Variants in NRG3 observed in about 807,000 individuals in gnomAD.
The protein encoded by NRG3 is pro-neuregulin-3, membrane-bound isoform.
NRG3 carries 31 observed loss-of-function variants against 66.9 expected under a neutral mutation model. The ratio of observed to expected loss-of-function variants is 0.46; its 90% CI spans 0.35 to 0.63. NRG3 has a LOEUF of 0.63. NRG3 is among the 20% of genes least tolerant of loss of function. The pLI is 0.00. For synonymous variants in NRG3, 393 were observed against 359.4 expected, an observed-to-expected ratio of 1.09 and a Z score of -1.06; for missense variants, 910 against 878.9, an observed-to-expected ratio of 1.04 and a Z score of -0.45.
At chr10:82,662,862 C>T (rs1430965823) in intron 2 of NRG3, among the ~76,000 whole-genome samples, 1 of 152,150 alleles carries the variant, frequency 6.6e-6, no homozygotes, top group East Asian at 1.9e-4. Context: ...TAACTTTATA[C>T]CTTGTCCTCC....
chr10:82,197,914 G>T (rs2074531224), intron 1 of NRG3, among the ~76,000 whole-genome samples: 1 of 152,054 alleles, frequency 6.6e-6, no homozygotes, highest in Non-Finnish European at 1.5e-5. Context: ...TAATAAAGCT[G>T]CTTTGTTTAA....
intron 1 of NRG3, among the ~76,000 whole-genome samples, chr10:82,242,099 T>C (rs1589440836): frequency 6.6e-6 from 1 of 152,202 alleles, no homozygotes; most frequent in East Asian, 1.9e-4. Flanking sequence ...GTGAATGATA[T>C]TCTTTTAAAA....
At chr10:82,189,755 A>G (rs1288950169) in intron 1 of NRG3, among the ~76,000 whole-genome samples, 1 of 151,938 alleles carries the variant, frequency 6.6e-6, no homozygotes, top group Non-Finnish European at 1.5e-5. Context: ...GCACCACTGC[A>G]CTCCAGCCTG....
chr10:82,762,962 T>C (rs2059386173), intron 3 of NRG3, among the ~76,000 whole-genome samples: 1 of 152,158 alleles, frequency 6.6e-6, no homozygotes, highest in South Asian at 2.1e-4. Context: ...AAATGATGCA[T>C]CCAAAAGTCT....
intron 2 of NRG3, among the ~76,000 whole-genome samples, chr10:82,667,027 T>C (rs1182950992): frequency 6.6e-6 from 1 of 152,176 alleles, no homozygotes; most frequent in Non-Finnish European, 1.5e-5. Context: ...CTGATTTAAG[T>C]TGAAAGAAGC....
At chr10:82,585,030 GT>G (rs2046586611) in intron 2 of NRG3, among the ~76,000 whole-genome samples, 1 of 151,590 alleles carries the variant, frequency 6.6e-6, no homozygotes, top group Non-Finnish European at 1.5e-5. Flanking sequence ...AACGGGGGGA[GT>G]TTTGGCTGTA....
chr10:82,832,930 A>G (rs1214971956), intron 3 of NRG3, among the ~76,000 whole-genome samples: 1 of 152,060 alleles, frequency 6.6e-6, no homozygotes. Flanking sequence ...ATCTTCTCAC[A>G]AAGCGAGTAC....
At chr10:82,266,324 C>T (rs954388214) in intron 1 of NRG3, among the ~76,000 whole-genome samples, 5 of 151,910 alleles carry the variant, frequency 3.3e-5, no homozygotes, top group African/African-American at 7.3e-5. Flanking sequence ...AAAGGTAAAG[C>T]GGAGTTGGAG....
At chr10:82,339,727 A>T (rs865979339) in intron 1 of NRG3, among the ~76,000 whole-genome samples, 1 of 152,040 alleles carries the variant, frequency 6.6e-6, no homozygotes, top group South Asian at 2.1e-4. Context: ...GACTTTTAAT[A>T]TATTTCTGGA....
chr10:82,137,738 A>C (rs1188078510), intron 1 of NRG3, among the ~76,000 whole-genome samples: 1 of 152,180 alleles, frequency 6.6e-6, no homozygotes, highest in Non-Finnish European at 1.5e-5. Flanking sequence ...AGAATTTGTT[A>C]TGCATCCACT....
At chr10:82,548,497 C>A (rs1488293508) in intron 2 of NRG3, among the ~76,000 whole-genome samples, 1 of 148,700 alleles carries the variant, frequency 6.7e-6, no homozygotes, top group East Asian at 2.0e-4. Flanking sequence ...ATAAGACAAA[C>A]AAAATACACA....
intron 1 of NRG3, among the ~76,000 whole-genome samples, chr10:82,175,960 G>A (rs1470543180): frequency 6.6e-6 from 1 of 152,112 alleles, no homozygotes; most frequent in Non-Finnish European, 1.5e-5. Context: ...GAGAAAATAA[G>A]AATTTGACCA....
At chr10:82,450,840 G>T (rs945913110) in intron 2 of NRG3, among the ~76,000 whole-genome samples, 29 of 152,084 alleles carry the variant, frequency 1.9e-4, no homozygotes, top group African/African-American at 7.0e-4. Flanking sequence ...ATACTCAACA[G>T]TTGCCCTGCC....
At chr10:82,706,385 C>T (rs1320127455) in intron 2 of NRG3, among the ~76,000 whole-genome samples, 1 of 152,186 alleles carries the variant, frequency 6.6e-6, no homozygotes, top group Non-Finnish European at 1.5e-5. Context: ...TTGGTTAAGT[C>T]TCCAGATGGA....
rs572805929 is a variant in NRG3 at position 82,912,867 on chromosome 10, C to T, written c.1055-38602C>T. On this transcript the variant is annotated intron_variant, in intron 4 of 8. Transcript: ENST00000372141. ...TAGTGATTCCCTACAGTGTGCTGTACATTTACAACTAATCTATGCCTACTT... is the reference window on the plus strand; with the variant it reads ...TAGTGATTCCCTACAGTGTGCTGTATATTTACAACTAATCTATGCCTACTT... Among the ~76,000 whole-genome samples, 15 of 152,288 alleles carry T rather than the reference C, an allele frequency of 9.8e-5. No homozygotes were observed. In the South Asian group the frequency reaches 2.7e-3, roughly 27 times the overall value.
At chr10:82,852,745 C>A (rs1180162927) in intron 3 of NRG3, among the ~76,000 whole-genome samples, 2 of 152,140 alleles carry the variant, frequency 1.3e-5, no homozygotes, top group African/African-American at 4.8e-5. Flanking sequence ...CATCTGCAGA[C>A]CACATCGAAA....
intron 2 of NRG3, among the ~76,000 whole-genome samples, chr10:82,362,261 GA>G (rs60099543): frequency 0.13 from 19,553 of 149,252 alleles, 2,419 homozygotes; most frequent in African/African-American, 0.31. Flanking sequence ...AAACTTGACA[GA>G]AGGATTTTTA....
chr10:82,892,112 G>T (rs978564281), intron 4 of NRG3, among the ~76,000 whole-genome samples: 1 of 151,850 alleles, frequency 6.6e-6, no homozygotes, highest in Non-Finnish European at 1.5e-5. Context: ...AACTTGGTTG[G>T]GATATATTAT....
intron 3 of NRG3, among the ~76,000 whole-genome samples, chr10:82,814,056 T>C (rs2061606848): frequency 1.3e-5 from 2 of 152,348 alleles, no homozygotes; most frequent in South Asian, 2.1e-4. Context: ...TCATTGCTAA[T>C]CATTGTTCAC....
Sources: allele counts gnomAD v4.1 joint callset (sites outside exome capture counted in the v4.1 genomes callset), GRCh38; gene constraint gnomAD v4.1.1; transcripts MANE v1.5; gene names NCBI Gene and HGNC (gene_info 2026-07-23, HGNC 2026-07-21).